The following GABRB1 variants were observed in gnomAD, a reference collection of about 807,000 sequenced individuals.
The protein encoded by GABRB1 is gamma-aminobutyric acid receptor subunit beta-1.
GABRB1 carries 17 observed loss-of-function variants against 51.6 expected under a neutral mutation model. The ratio of observed to expected loss-of-function variants is 0.33; its 90% CI spans 0.23 to 0.49. GABRB1 has a LOEUF of 0.49. Among genes scored for constraint, GABRB1 ranks in the 20% least tolerant of loss-of-function variants. GABRB1 has a pLI of 0.99. For synonymous variants in GABRB1, 247 were observed against 218.9 expected (o/e 1.13, Z -1.14); for missense variants, 410 against 600.6 (o/e 0.68, Z 3.32).
At chr4:47,354,996 T>TG (rs1560348653) in intron 5 of GABRB1, among the ~76,000 whole-genome samples, 1 of 139,396 alleles carries the variant, frequency 7.2e-6, no homozygotes, top group African/African-American at 2.7e-5. Context: ...TTTTTTTTTT[T>TG]TTTTTTTTTG....
At chr4:47,197,996 A>C (rs1345964483) in intron 4 of GABRB1, among the ~76,000 whole-genome samples, 1 of 151,900 alleles carries the variant, frequency 6.6e-6, no homozygotes, top group Admixed American at 6.6e-5. Flanking sequence ...TCCCCTGCCA[A>C]CCTCCCCATC....
rs1716807745 is a variant in GABRB1, at chr4:47,139,214, G to C, written c.241-22035G>C. Among the ~76,000 whole-genome samples the C allele has an allele frequency of 2.0e-5, 3 of 151,928 alleles. No homozygotes were observed. The South Asian group carries it at 6.2e-4, about 32-fold the overall frequency. On this transcript the variant is annotated intron_variant, in intron 3 of 8. Coordinates refer to ENST00000295454, the MANE Select transcript of GABRB1 (RefSeq NM_000812.4). ...TTGGAAAGGACAGCCTCTAAGACTG[G>C]GATGCCTCTAAAACAGTTCCCAAGA...
intron 3 of GABRB1, among the ~76,000 whole-genome samples, chr4:47,060,955 T>C (rs116205931): frequency 0.014 from 2,178 of 152,318 alleles, 42 homozygotes; most frequent in African/African-American, 0.05. Context: ...TGGTTTCAAA[T>C]CGAAGAATTA....
chr4:47,214,649 A>G (rs181343401), intron 4 of GABRB1, among the ~76,000 whole-genome samples: 76 of 152,322 alleles, frequency 5.0e-4, no homozygotes, highest in Middle Eastern at 3.4e-3. Flanking sequence ...CAAGTATATT[A>G]TATTAAATAA....
At chr4:47,067,250 A>G (rs886125262) in intron 3 of GABRB1, among the ~76,000 whole-genome samples, 4 of 152,222 alleles carry the variant, frequency 2.6e-5, no homozygotes, top group Non-Finnish European at 5.9e-5. Flanking sequence ...GGAAGAGTAG[A>G]TTTACCGTAA....
intron 4 of GABRB1, among the ~76,000 whole-genome samples, chr4:47,316,033 T>G (rs1342998795): frequency 1.3e-4 from 4 of 31,952 alleles, no homozygotes; most frequent in Non-Finnish European, 2.8e-4. Flanking sequence ...CCCAAGAACC[T>G]AAAATAAAAC....
At chr4:47,085,879 G>A (rs1215378485) in intron 3 of GABRB1, among the ~76,000 whole-genome samples, 1 of 152,220 alleles carries the variant, frequency 6.6e-6, no homozygotes, top group Non-Finnish European at 1.5e-5. Flanking sequence ...AAGGTCCCAA[G>A]AGGGCAAGAC....
At chr4:47,007,284 G>A (rs973400565) in intron 1 of GABRB1, among the ~76,000 whole-genome samples, 1 of 152,164 alleles carries the variant, frequency 6.6e-6, no homozygotes, top group African/African-American at 2.4e-5. Context: ...ATTAAAGAGA[G>A]ATATTTCAAA....
At chr4:47,044,185 A>G (rs1725983936) in intron 3 of GABRB1, among the ~76,000 whole-genome samples, 1 of 152,096 alleles carries the variant, frequency 6.6e-6, no homozygotes, top group African/African-American at 2.4e-5. Context: ...CAACAACTCT[A>G]ACTCCATTCT....
intron 4 of GABRB1, among the ~76,000 whole-genome samples, chr4:47,301,338 A>G (rs977645191): frequency 6.6e-6 from 1 of 152,172 alleles, no homozygotes; most frequent in African/African-American, 2.4e-5. Flanking sequence ...AACAAAATGG[A>G]TTAAAGATTT....
intron 5 of GABRB1, among the ~76,000 whole-genome samples, chr4:47,402,734 G>T (rs1390061037): frequency 6.6e-6 from 1 of 152,002 alleles, no homozygotes; most frequent in Admixed American, 6.5e-5. Flanking sequence ...AATTTATGTA[G>T]TCCTAAGACT....
chr4:47,165,460 A>G (rs146930563), intron 4 of GABRB1, among the ~76,000 whole-genome samples: 5 of 152,036 alleles, frequency 3.3e-5, no homozygotes, highest in African/African-American at 9.7e-5. Context: ...CTACTTTCCT[A>G]TAACAACTCT....
At chr4:47,102,271 G>A (rs938074955) in intron 3 of GABRB1, among the ~76,000 whole-genome samples, 2 of 151,938 alleles carry the variant, frequency 1.3e-5, no homozygotes, top group African/African-American at 2.4e-5. Flanking sequence ...TTCATTAGGT[G>A]TTATTCAAGC....
chr4:47,289,061 G>GT (rs1163930127), intron 4 of GABRB1, among the ~76,000 whole-genome samples: 8 of 151,602 alleles, frequency 5.3e-5, no homozygotes, highest in African/African-American at 1.7e-4. Flanking sequence ...GCCTGAGTTT[G>GT]TTTTTTGCTT....
At chr4:47,202,394 T>C (rs1288784736) in intron 4 of GABRB1, among the ~76,000 whole-genome samples, 3 of 152,128 alleles carry the variant, frequency 2.0e-5, no homozygotes, top group Non-Finnish European at 2.9e-5. Flanking sequence ...CAGTCTCAGG[T>C]AGTTCTTTAC....
chr4:47,123,784 T>A (rs1181815139), intron 3 of GABRB1, among the ~76,000 whole-genome samples: 2 of 89,494 alleles, frequency 2.2e-5, no homozygotes, highest in African/African-American at 4.6e-5. Flanking sequence ...CATATATTAT[T>A]ATATATAATA....
At chr4:47,139,419 G>A (rs1716817432) in intron 3 of GABRB1, among the ~76,000 whole-genome samples, 1 of 151,958 alleles carries the variant, frequency 6.6e-6, no homozygotes, top group Non-Finnish European at 1.5e-5. Context: ...CTCCATCTCA[G>A]GACAAACAAG....
intron 3 of GABRB1, among the ~76,000 whole-genome samples, chr4:47,160,897 C>T (rs1211108298): frequency 6.6e-6 from 1 of 151,938 alleles, no homozygotes; most frequent in Non-Finnish European, 1.5e-5. Flanking sequence ...AGAGATCCTG[C>T]TACATCAGCC....
chr4:47,107,554 C>A (rs1715020008), intron 3 of GABRB1, among the ~76,000 whole-genome samples: 1 of 152,038 alleles, frequency 6.6e-6, no homozygotes, highest in African/African-American at 2.4e-5. Flanking sequence ...ATGTGTGACA[C>A]TGGGAAAATA....
Sources: allele counts gnomAD v4.1 joint callset (sites outside exome capture counted in the v4.1 genomes callset), GRCh38; gene constraint gnomAD v4.1.1; transcripts MANE v1.5; gene names NCBI Gene and HGNC (gene_info 2026-07-23, HGNC 2026-07-21).